Variants in NEDD4 observed in about 807,000 individuals in gnomAD.
NEDD4 encodes the protein E3 ubiquitin-protein ligase NEDD4.
NEDD4 carries 99 observed loss-of-function variants against 144.9 expected under a neutral mutation model. The ratio of observed to expected loss-of-function variants is 0.68; its 90% CI spans 0.58 to 0.81. The LOEUF (loss-of-function observed/expected upper bound fraction) is 0.81, where lower values mean the gene tolerates loss of function less well. Among genes scored for constraint, NEDD4 ranks in the 30% least tolerant of loss-of-function variants. The pLI, the probability that NEDD4 is intolerant of heterozygous loss-of-function variation, is 0.00. For synonymous variants in NEDD4, 318 were observed against 350.6 expected (o/e 0.91, Z 1.04); for missense variants, 985 against 1,065.9 (o/e 0.92, Z 1.06).
At chr15:55,934,075 C>T (rs1337869963) in intron 4 of NEDD4, among the ~76,000 whole-genome samples, 6 of 152,148 alleles carry the variant, frequency 3.9e-5, no homozygotes, top group Admixed American at 3.9e-4. Flanking sequence ...ACAGCTTGAA[C>T]CCAGGAGGTG....
At chr15:55,967,241 C>A (rs1169512906) in intron 1 of NEDD4, among the ~76,000 whole-genome samples, 1 of 152,074 alleles carries the variant, frequency 6.6e-6, no homozygotes, top group East Asian at 1.9e-4. Flanking sequence ...TCCCATTCAA[C>A]AGACAACAGA....
At chr15:55,893,729 GAATAT>G (rs1288220172) in intron 5 of NEDD4, among the ~76,000 whole-genome samples, 1 of 149,732 alleles carries the variant, frequency 6.7e-6, no homozygotes, top group African/African-American at 2.5e-5. Flanking sequence ...TCTGCTTGCT[GAATAT>G]AATAAAAACT....
chr15:55,937,106 G>T lies in NEDD4; in HGVS notation c.238-12407C>A, dbSNP rs1293079319. Among the ~76,000 whole-genome samples, 3 of 152,210 alleles carry T rather than the reference G, an allele frequency of 2.0e-5. No individual in the cohort carries two copies. The South Asian group carries it at 6.2e-4, about 32-fold the overall frequency. ...CCGTGCCTGGCCATAATTTGCTATTGAGCACTAACTTCAACTTGGAGTTTC... is the reference window on the plus strand; with the variant it reads ...CCGTGCCTGGCCATAATTTGCTATTTAGCACTAACTTCAACTTGGAGTTTC... On this transcript the variant is annotated intron_variant, in intron 4 of 28. Coordinates refer to ENST00000435532, the MANE Select transcript of NEDD4 (RefSeq NM_006154.4).
At chr15:55,945,123 C>T (rs11634239) in intron 4 of NEDD4, among the ~76,000 whole-genome samples, 97,910 of 151,870 alleles carry the variant, frequency 0.64, 31,803 homozygotes, top group East Asian at 0.75. Context: ...GGATCGCAGC[C>T]CCTCGCCAGC....
chr15:55,865,328 C>T (rs1247717520), intron 8 of NEDD4, among the ~76,000 whole-genome samples: 1 of 151,868 alleles, frequency 6.6e-6, no homozygotes, highest in Non-Finnish European at 1.5e-5. Context: ...GAATTCCTAC[C>T]TCATGCCTTA....
At chr15:55,937,088 T>C (rs1397709220) in intron 4 of NEDD4, among the ~76,000 whole-genome samples, 5 of 152,196 alleles carry the variant, frequency 3.3e-5, no homozygotes, top group African/African-American at 9.6e-5. Context: ...CCACCGTGCC[T>C]GGCCATAATT....
At chr15:55,975,955 G>C (rs149202946) in intron 1 of NEDD4, among the ~76,000 whole-genome samples, 9 of 152,280 alleles carry the variant, frequency 5.9e-5, no homozygotes, top group African/African-American at 1.7e-4. Context: ...GAACAGAATA[G>C]AGAACCCAGA....
rs753315030 is a variant in NEDD4 at position 55,860,539 on chromosome 15, C to A, written c.828G>T (p.Met276Ile). 1.2e-6 allele frequency: 2 copies of A among 1,613,958 alleles called. No individual in the cohort carries two copies. Among genetic ancestry groups the A allele is most frequent in the African/African-American group, 2.7e-5 (2 of 74,908 alleles). The change falls in exon 11 of 29, where the codon ATG (methionine) becomes ATT (isoleucine). Residue 276 changes from methionine to isoleucine, a missense_variant. By Grantham distance (10) the Met-to-Ile change is conservative (BLOSUM62 1). Coordinates refer to ENST00000435532, the MANE Select transcript of NEDD4 (RefSeq NM_006154.4). ...GTGATGGGAAGGCCTGGTTGCTATA[C>A]ATGGTGGCTTCATCTTCTCTTATAA... Reference protein sequence around the residue: ...WEIIREDEATMYSNQAFPSPP... With the variant: ...WEIIREDEATIYSNQAFPSPP...
chr15:55,986,436 T>C (rs1224707554), intron 1 of NEDD4, among the ~76,000 whole-genome samples: 5 of 152,136 alleles, frequency 3.3e-5, no homozygotes, highest in African/African-American at 1.2e-4. Flanking sequence ...ATGTGTCCCC[T>C]GGTGTGATGC....
chr15:55,911,680 C>T (rs1265348158), intron 5 of NEDD4, among the ~76,000 whole-genome samples: 6 of 151,990 alleles, frequency 3.9e-5, no homozygotes, highest in Non-Finnish European at 8.8e-5. Context: ...CAGGCGCGCG[C>T]CACCATGCCC....
At chr15:55,967,568 T>C (rs2037537528) in intron 1 of NEDD4, among the ~76,000 whole-genome samples, 1 of 152,110 alleles carries the variant, frequency 6.6e-6, no homozygotes, top group East Asian at 1.9e-4. Flanking sequence ...GTACTACTTA[T>C]ATTACTCTTT....
chr15:55,886,296 C>G (rs1199695264), intron 5 of NEDD4, among the ~76,000 whole-genome samples: 4 of 152,144 alleles, frequency 2.6e-5, no homozygotes, highest in African/African-American at 9.7e-5. Context: ...GATATCCGGA[C>G]AGAAAATCAA....
intron 5 of NEDD4, among the ~76,000 whole-genome samples, chr15:55,910,736 T>C (rs1471124851): frequency 2.0e-5 from 3 of 152,148 alleles, no homozygotes; most frequent in Non-Finnish European, 4.4e-5. Context: ...ATAAACTTCA[T>C]ACATGATTTC....
intron 1 of NEDD4, among the ~76,000 whole-genome samples, chr15:55,977,422 T>C (rs528616822): frequency 4.3e-4 from 66 of 152,318 alleles, no homozygotes; most frequent in Admixed American, 1.4e-3. Context: ...TCTATGACAT[T>C]TGCACAATGA....
chr15:55,908,611 A>C (rs1379312657), intron 5 of NEDD4, among the ~76,000 whole-genome samples: 2 of 152,218 alleles, frequency 1.3e-5, no homozygotes, highest in Non-Finnish European at 2.9e-5. Context: ...CCCCATTCTG[A>C]GACCTACTGA....
At chr15:55,903,660 C>T (rs2035984169) in intron 5 of NEDD4, among the ~76,000 whole-genome samples, 1 of 151,090 alleles carries the variant, frequency 6.6e-6, no homozygotes, top group Non-Finnish European at 1.5e-5. Context: ...CTCAGCTCTA[C>T]TAAAAATACA....
intron 5 of NEDD4, among the ~76,000 whole-genome samples, chr15:55,890,307 T>G (rs1734479389): frequency 6.6e-6 from 1 of 152,152 alleles, no homozygotes; most frequent in South Asian, 2.1e-4. Flanking sequence ...TTTTAGAACA[T>G]TTTCATCACC....
At chr15:55,870,797 A>G (rs2034765104) in intron 7 of NEDD4, among the ~76,000 whole-genome samples, 1 of 152,090 alleles carries the variant, frequency 6.6e-6, no homozygotes, top group Non-Finnish European at 1.5e-5. Flanking sequence ...AGCCTCCCAA[A>G]GTGCTACAAT....
At chr15:55,920,750 T>C (rs1404628235) in intron 5 of NEDD4, among the ~76,000 whole-genome samples, 1 of 152,222 alleles carries the variant, frequency 6.6e-6, no homozygotes, top group Non-Finnish European at 1.5e-5. Context: ...CGGAATGACA[T>C]TTATAATGAC....
Sources: gnomAD v4.1 joint callset for allele counts (sites outside exome capture counted in the v4.1 genomes callset) on GRCh38, gnomAD v4.1.1 for gene constraint, MANE v1.5 for transcripts, NCBI Gene and HGNC (gene_info 2026-07-23, HGNC 2026-07-21) for gene names.